CPNE4: variants seen among roughly 807,000 people sequenced by gnomAD.
The protein encoded by CPNE4 is copine 4.
Under a neutral mutation model 67.9 loss-of-function variants are expected in CPNE4, and 25 were observed. The observed-to-expected ratio is 0.37, with a 90% CI of 0.27 to 0.51. CPNE4 has a LOEUF of 0.51. Ranked by LOEUF, CPNE4 falls within the 20% of genes least tolerant of loss-of-function variation. CPNE4 has a pLI of 0.93. For missense variants in CPNE4, 464 were observed against 690.8 expected (o/e 0.67, Z 3.68); for synonymous variants, 242 against 244.9 (o/e 0.99, Z 0.11).
intron 10 of CPNE4, among the ~76,000 whole-genome samples, chr3:131,573,829 G>T (rs748216916): frequency 6.6e-6 from 1 of 152,032 alleles, no homozygotes; most frequent in Non-Finnish European, 1.5e-5. Context: ...AGGAAGGCTT[G>T]CTGGCTGTGC....
intron 1 of CPNE4, among the ~76,000 whole-genome samples, chr3:131,918,157 T>G (rs938778399): frequency 1.4e-4 from 21 of 152,184 alleles, no homozygotes; most frequent in African/African-American, 4.8e-4. Context: ...ATTGCTAGAT[T>G]GCACAACCCA....
intron 1 of CPNE4, among the ~76,000 whole-genome samples, chr3:132,021,126 CAA>C (rs571975001): frequency 9.9e-5 from 15 of 152,262 alleles, no homozygotes; most frequent in Admixed American, 9.1e-4. Flanking sequence ...TGCAGAGAAT[CAA>C]AAGTGTTTAC....
At chr3:131,684,863 T>G (rs1274914253) in intron 6 of CPNE4, among the ~76,000 whole-genome samples, 2 of 152,104 alleles carry the variant, frequency 1.3e-5, no homozygotes, top group Non-Finnish European at 2.9e-5. Context: ...GTTGAATGTG[T>G]GTGTGGTAGT....
At chr3:131,895,789 G>T (rs904909886) in intron 2 of CPNE4, among the ~76,000 whole-genome samples, 1 of 151,996 alleles carries the variant, frequency 6.6e-6, no homozygotes, top group Non-Finnish European at 1.5e-5. Flanking sequence ...GGCTACCTCA[G>T]GACACAATTT....
intron 3 of CPNE4, 74 bp from the exon 4 acceptor site, chr3:131,700,054 CTTT>C (rs3035263): frequency 0.25 from 63,174 of 252,510 alleles, 4,149 homozygotes; most frequent in Non-Finnish European, 0.27. Context: ...TTTTTTAAAC[CTTT>C]TTTTTTTTTT....
chr3:131,871,232 T>C (rs2087187076), intron 2 of CPNE4, among the ~76,000 whole-genome samples: 1 of 152,180 alleles, frequency 6.6e-6, no homozygotes, highest in Non-Finnish European at 1.5e-5. Flanking sequence ...TACAATTCCA[T>C]CAACTGAAGA....
chr3:131,715,990 C>T (rs770322048), intron 3 of CPNE4, among the ~76,000 whole-genome samples: 1 of 152,198 alleles, frequency 6.6e-6, no homozygotes, highest in Non-Finnish European at 1.5e-5. Context: ...GCATCCCCCT[C>T]ATCCATCTGT....
chr3:131,886,369 T>C (rs184923463), intron 2 of CPNE4, among the ~76,000 whole-genome samples: 1 of 152,342 alleles, frequency 6.6e-6, no homozygotes, highest in Admixed American at 6.5e-5. Context: ...TTAGAAGATG[T>C]ACGGAAACAC....
intron 1 of CPNE4, among the ~76,000 whole-genome samples, chr3:131,949,942 T>C (rs957420448): frequency 2.0e-5 from 3 of 152,196 alleles, no homozygotes; most frequent in African/African-American, 7.2e-5. Context: ...GACATTAGGA[T>C]TGTTATCTAT....
chr3:131,608,207 G>C (rs535451294), intron 7 of CPNE4, among the ~76,000 whole-genome samples: 101 of 152,272 alleles, frequency 6.6e-4, no homozygotes, highest in Middle Eastern at 6.8e-3. Context: ...CGGTAATATG[G>C]AAATGAAAAT....
rs200320483 is a variant in CPNE4, at chr3:131,977,138, TC to T, written c.-2+57428del. 2.6e-4 allele frequency among the ~76,000 whole-genome samples: 40 copies of T among 152,260 alleles called. 1 individual carries two copies. In the East Asian group the frequency reaches 4.6e-3, roughly 18 times the overall value. ...TAATAAACCCACTTTAAGTAAAACT[TC>T]CTCATTCTTTTTCCTAAGAGTCTTT... On this transcript the variant is annotated intron_variant, in intron 1 of 15. Coordinates refer to ENST00000429747, the MANE Select transcript of CPNE4 (RefSeq NM_130808.3).
intron 2 of CPNE4, among the ~76,000 whole-genome samples, chr3:131,839,122 TA>T (rs879718761): frequency 2.6e-5 from 4 of 151,054 alleles, no homozygotes; most frequent in East Asian, 1.9e-4. Flanking sequence ...ATCACCTTTG[TA>T]AAAAAAAATC....
intron 5 of CPNE4, among the ~76,000 whole-genome samples, chr3:131,695,665 G>A (rs561321015): frequency 2.0e-4 from 31 of 152,310 alleles, no homozygotes; most frequent in African/African-American, 7.2e-4. Flanking sequence ...GAAGTTAAAA[G>A]CTTGCTCCCA....
chr3:131,700,329 C>A (rs912409057), intron 3 of CPNE4, among the ~76,000 whole-genome samples: 2 of 151,976 alleles, frequency 1.3e-5, no homozygotes, highest in Non-Finnish European at 2.9e-5. Context: ...TCAAAATGAT[C>A]TCAAATATAT....
At chr3:131,541,009 C>A (rs1427503297) in intron 15 of CPNE4, among the ~76,000 whole-genome samples, 1 of 152,158 alleles carries the variant, frequency 6.6e-6, no homozygotes, top group Non-Finnish European at 1.5e-5. Flanking sequence ...CAGGGCAGCT[C>A]AAGTTTAGTC....
At chr3:131,712,375 A>T (rs147908318) in intron 3 of CPNE4, among the ~76,000 whole-genome samples, 112 of 152,350 alleles carry the variant, frequency 7.4e-4, no homozygotes, top group African/African-American at 2.5e-3. Flanking sequence ...CTGTAAAGAA[A>T]TGGGTACTTT....
At chr3:131,823,278 G>A (rs189401853) in intron 2 of CPNE4, among the ~76,000 whole-genome samples, 4 of 152,310 alleles carry the variant, frequency 2.6e-5, no homozygotes, top group African/African-American at 7.2e-5. Context: ...AAGCTTGCAG[G>A]TTGTAGTTAC....
chr3:131,798,472 T>C (rs974280163), intron 2 of CPNE4, among the ~76,000 whole-genome samples: 7 of 152,108 alleles, frequency 4.6e-5, no homozygotes, highest in Non-Finnish European at 8.8e-5. Flanking sequence ...AGGGGACATA[T>C]AAAATCAGAT....
intron 2 of CPNE4, among the ~76,000 whole-genome samples, chr3:131,848,666 C>CAAAAAAAAAAAAAAAAA (rs10565807): frequency 7.1e-6 from 1 of 140,002 alleles, no homozygotes; most frequent in Non-Finnish European, 1.5e-5. Context: ...AATGTGCATC[C>CAAAAAAAAAAAAAAAAA]AAAAAAAAAA....
Sources: gnomAD v4.1 joint callset for allele counts (sites outside exome capture counted in the v4.1 genomes callset) on GRCh38, gnomAD v4.1.1 for gene constraint, MANE v1.5 for transcripts, NCBI Gene and HGNC (gene_info 2026-07-23, HGNC 2026-07-21) for gene names.